The following CSNK1G1 variants were observed in gnomAD, a reference collection of about 807,000 sequenced individuals.
The protein encoded by CSNK1G1 is casein kinase I isoform gamma-1.
Under a neutral mutation model 59.6 loss-of-function variants are expected in CSNK1G1, and 22 were observed. The ratio of observed to expected loss-of-function variants is 0.37; its 90% CI spans 0.26 to 0.53. The LOEUF is 0.53. Ranked by LOEUF, CSNK1G1 falls within the 20% of genes least tolerant of loss-of-function variation. CSNK1G1 has a pLI of 0.89. For missense variants in CSNK1G1, 384 were observed against 519.5 expected (o/e 0.74, Z 2.54); for synonymous variants, 179 against 177.1 (o/e 1.01, Z -0.08).
intron 10 of CSNK1G1, among the ~76,000 whole-genome samples, chr15:64,183,884 C>T (rs1176627814): frequency 1.3e-5 from 2 of 151,856 alleles, no homozygotes; most frequent in South Asian, 4.2e-4. Context: ...TACAGGTATG[C>T]ACCACCACAT....
At chr15:64,332,944 G>A (rs1407615386) in intron 1 of CSNK1G1, among the ~76,000 whole-genome samples, 2 of 152,130 alleles carry the variant, frequency 1.3e-5, no homozygotes, top group Non-Finnish European at 2.9e-5. Context: ...AAACTGATTT[G>A]AGGGAATAAT....
chr15:64,353,281 A>G lies in CSNK1G1; in HGVS notation c.-225+2707T>C, dbSNP rs552965407. Among the ~76,000 whole-genome samples, 5 of 152,298 alleles carry G rather than the reference A, an allele frequency of 3.3e-5. No homozygotes were observed. The East Asian group carries it at 9.7e-4, about 29-fold the overall frequency. On this transcript the variant is annotated intron_variant, in intron 1 of 11. Coordinates refer to ENST00000303052, the MANE Select transcript of CSNK1G1 (RefSeq NM_022048.5). ...TATAAGTCACCTCAAAAAGCAAACTACGTTAGCTGAAAATCTGACATATAA... is the reference window on the plus strand; with the variant it reads ...TATAAGTCACCTCAAAAAGCAAACTGCGTTAGCTGAAAATCTGACATATAA...
Position 64,176,698 on chromosome 15 carries a change from G to C in CSNK1G1, c.1214+3650C>G, listed in dbSNP as rs1043079673. On this transcript the variant is annotated intron_variant, in intron 11 of 11. Transcript: ENST00000303052. The surrounding 1 kb of genome is among the most constrained non-coding windows in gnomAD (Gnocchi z 5.2). ...ATGAAGTCTTACTGTGCAATATTAA[G>C]CTAGCCTCTCAAATATTCTGAGGGA... 1.3e-5 allele frequency among the ~76,000 whole-genome samples: 2 copies of C among 152,178 alleles called. No homozygotes were observed. Among genetic ancestry groups the C allele is most frequent in the African/African-American group, 4.8e-5 (2 of 41,434 alleles).
intron 4 of CSNK1G1, among the ~76,000 whole-genome samples, chr15:64,230,877 G>A (rs1015922385): frequency 6.6e-6 from 1 of 152,174 alleles, no homozygotes; most frequent in Non-Finnish European, 1.5e-5. Context: ...AGGAGGCTGA[G>A]GCAGGAGAAT....
chr15:64,221,624 T>A lies in CSNK1G1; in HGVS notation c.293-4911A>T, dbSNP rs1483398376. 4.0e-5 allele frequency among the ~76,000 whole-genome samples: 6 copies of A among 151,302 alleles called. No individual in the cohort carries two copies. The South Asian group carries it at 6.3e-4, about 16-fold the overall frequency. On this transcript the variant is annotated intron_variant, in intron 4 of 11. Coordinates refer to ENST00000303052, the MANE Select transcript of CSNK1G1 (RefSeq NM_022048.5). ...AGTGTAGAAAAAGCTCAAGTCAGAGTCTTAGATCTAGTATTTGCTTCTGCT... is the reference window on the plus strand; with the variant it reads ...AGTGTAGAAAAAGCTCAAGTCAGAGACTTAGATCTAGTATTTGCTTCTGCT...
chr15:64,191,282 G>T (rs576693772), intron 10 of CSNK1G1, among the ~76,000 whole-genome samples: 1 of 151,906 alleles, frequency 6.6e-6, no homozygotes, highest in Non-Finnish European at 1.5e-5. Flanking sequence ...GGATGGTCTC[G>T]ATTTCCTGAC....
intron 2 of CSNK1G1, among the ~76,000 whole-genome samples, chr15:64,285,017 A>G (rs567482238): frequency 6.6e-6 from 1 of 152,276 alleles, no homozygotes; most frequent in Admixed American, 6.5e-5. Flanking sequence ...TTGTATCATC[A>G]ATGTATAAAT....
chr15:64,304,317 A>G (rs1461088232), intron 1 of CSNK1G1, among the ~76,000 whole-genome samples: 1 of 129,150 alleles, frequency 7.7e-6, no homozygotes, highest in East Asian at 2.6e-4. Flanking sequence ...TGGGAGGCGG[A>G]GGGGGCAGTG....
chr15:64,304,178 A>G (rs1289273663), intron 1 of CSNK1G1, among the ~76,000 whole-genome samples: 1 of 152,062 alleles, frequency 6.6e-6, no homozygotes, highest in Non-Finnish European at 1.5e-5. Flanking sequence ...ACCTGAGGTC[A>G]GGAGTTCAAA....
At chr15:64,267,442 G>A (rs1893050309) in intron 2 of CSNK1G1, among the ~76,000 whole-genome samples, 1 of 151,908 alleles carries the variant, frequency 6.6e-6, no homozygotes, top group African/African-American at 2.4e-5. Context: ...ACCATATAAG[G>A]AACTTGAACA....
chr15:64,323,579 G>A (rs1294531921), intron 1 of CSNK1G1, among the ~76,000 whole-genome samples: 2 of 151,928 alleles, frequency 1.3e-5, no homozygotes, highest in South Asian at 2.1e-4. Flanking sequence ...TGGTCAGGCT[G>A]GTCTCAAACT....
chr15:64,298,570 T>A (rs1050061422), intron 2 of CSNK1G1, among the ~76,000 whole-genome samples: 1 of 152,226 alleles, frequency 6.6e-6, no homozygotes, highest in Non-Finnish European at 1.5e-5. Flanking sequence ...TTATCCTAAT[T>A]AAGTCCTGAA....
chr15:64,345,464 A>T (rs1332693317), intron 1 of CSNK1G1, among the ~76,000 whole-genome samples: 2 of 152,190 alleles, frequency 1.3e-5, no homozygotes, highest in Non-Finnish European at 2.9e-5. Context: ...CCAAGTGACA[A>T]AGGCTCTTGT....
chr15:64,250,706 C>T (rs979868769), intron 4 of CSNK1G1, among the ~76,000 whole-genome samples: 1 of 152,012 alleles, frequency 6.6e-6, no homozygotes, highest in Non-Finnish European at 1.5e-5. Context: ...GATCGTGCCA[C>T]TGCACTCCAG....
intron 1 of CSNK1G1, among the ~76,000 whole-genome samples, chr15:64,313,445 T>C (rs1430223744): frequency 6.6e-6 from 1 of 152,192 alleles, no homozygotes; most frequent in Admixed American, 6.5e-5. Flanking sequence ...TTCATGTCCT[T>C]TGCAGGGACA....
intron 1 of CSNK1G1, among the ~76,000 whole-genome samples, chr15:64,325,500 T>A (rs1254599949): frequency 1.3e-5 from 2 of 152,180 alleles, no homozygotes; most frequent in African/African-American, 2.4e-5. Context: ...GAGAAACTCA[T>A]AGCCCCAGAA....
intron 1 of CSNK1G1, among the ~76,000 whole-genome samples, chr15:64,352,447 C>CTTTTTTTATTTTT (rs1898353514): frequency 1.1e-5 from 1 of 89,412 alleles, no homozygotes; most frequent in African/African-American, 4.4e-5. Context: ...TTGAATTCTT[C>CTTTTTTTATTTTT]TTTTTTTTTT....
intron 4 of CSNK1G1, among the ~76,000 whole-genome samples, chr15:64,238,150 A>G (rs2082640198): frequency 1.3e-5 from 2 of 152,094 alleles, no homozygotes; most frequent in African/African-American, 2.4e-5. Flanking sequence ...GAAATTTCCA[A>G]TCTTTGCCCC....
At chr15:64,245,189 G>T (rs1160516192) in intron 4 of CSNK1G1, among the ~76,000 whole-genome samples, 1 of 152,080 alleles carries the variant, frequency 6.6e-6, no homozygotes, top group Non-Finnish European at 1.5e-5. Flanking sequence ...ACATTGGTCT[G>T]GGCAAAATCT....
Sources: allele counts gnomAD v4.1 joint callset (sites outside exome capture counted in the v4.1 genomes callset), GRCh38; gene constraint gnomAD v4.1.1; non-coding constraint Gnocchi (gnomAD v3.1); transcripts MANE v1.5; gene names NCBI Gene and HGNC (gene_info 2026-07-23, HGNC 2026-07-21).